The following RPS6KC1 variants were observed in gnomAD, a reference collection of about 807,000 sequenced individuals.
RPS6KC1 encodes ribosomal protein S6 kinase C1.
In RPS6KC1, 54 loss-of-function variants were observed where a neutral mutation model predicts 103.8. That is an observed-to-expected ratio of 0.52 (90% confidence interval 0.42 to 0.65). RPS6KC1 has a LOEUF of 0.65. RPS6KC1 is among the 30% of genes least tolerant of loss of function. The pLI is 0.00. For missense variants in RPS6KC1, 1,151 were observed against 1,253.8 expected, an observed-to-expected ratio of 0.92 and a Z score of 1.24; for synonymous variants, 439 against 438.7, an observed-to-expected ratio of 1.00 and a Z score of -0.01.
At chr1:213,137,798 T>TAAA (rs2086533614) in intron 6 of RPS6KC1, among the ~76,000 whole-genome samples, 2 of 80,036 alleles carry the variant, frequency 2.5e-5, no homozygotes, top group African/African-American at 1.1e-4. Flanking sequence ...TATATATATA[T>TAAA]ATTTTTTTTT....
chr1:213,383,101 C>T, the RPS6KC1 span, among the ~76,000 whole-genome samples: 404 of 152,292 alleles, frequency 2.7e-3, 1 homozygote, highest in Middle Eastern at 6.8e-3. Context: ...CAAGCTGGGT[C>T]GTGTGTCCTG....
intron 8 of RPS6KC1, among the ~76,000 whole-genome samples, chr1:213,212,931 T>C (rs535800579): frequency 3.3e-5 from 5 of 152,326 alleles, no homozygotes; most frequent in Admixed American, 6.5e-5. Flanking sequence ...GTTTTTAAAA[T>C]TATTAAGAGT....
At chr1:213,613,973 T>C in the RPS6KC1 span, among the ~76,000 whole-genome samples, 2 of 152,358 alleles carry the variant, frequency 1.3e-5, no homozygotes, top group South Asian at 2.1e-4. Context: ...GGGCTTTTAC[T>C]GCGGCTGGGT....
the RPS6KC1 span, among the ~76,000 whole-genome samples, chr1:213,770,083 T>C: frequency 6.6e-6 from 1 of 152,216 alleles, no homozygotes; most frequent in Non-Finnish European, 1.5e-5. Context: ...ATCTCTGTTC[T>C]GGGTAAGATT....
intron 8 of RPS6KC1, among the ~76,000 whole-genome samples, chr1:213,218,905 G>C (rs1278784603): frequency 1.3e-5 from 2 of 152,098 alleles, no homozygotes; most frequent in East Asian, 3.9e-4. Context: ...ACCTAAAACT[G>C]TAAAAGCCCT....
the RPS6KC1 span, among the ~76,000 whole-genome samples, chr1:213,633,821 C>G: frequency 2.1e-4 from 27 of 129,582 alleles, no homozygotes; most frequent in Admixed American, 2.5e-3. Flanking sequence ...TGCAGAGACA[C>G]ACAGAGGCTC....
At chr1:213,776,841 ATAGC>A in the RPS6KC1 span, among the ~76,000 whole-genome samples, 1 of 152,104 alleles carries the variant, frequency 6.6e-6, no homozygotes, top group East Asian at 1.9e-4. Flanking sequence ...ATCTTCAACA[ATAGC>A]TAGATCTGGA....
intron 2 of RPS6KC1, among the ~76,000 whole-genome samples, chr1:213,073,559 T>C (rs572983346): frequency 6.6e-6 from 1 of 152,210 alleles, no homozygotes; most frequent in Non-Finnish European, 1.5e-5. Context: ...GATATTTCAC[T>C]GGTGAAATTT....
chr1:213,205,536 T>TTATATTTA (rs2093316911), intron 8 of RPS6KC1: 1 of 82,292 alleles, frequency 1.2e-5, no homozygotes, highest in Non-Finnish European at 2.5e-5. Context: ...ACAAACTCAT[T>TTATATTTA]TATATATATA....
chr1:213,153,420 A>G (rs1007655426), intron 6 of RPS6KC1, among the ~76,000 whole-genome samples: 26 of 152,190 alleles, frequency 1.7e-4, no homozygotes, highest in Admixed American at 1.2e-3. Context: ...TTTTAACTTG[A>G]TAACAACTTA....
the RPS6KC1 span, among the ~76,000 whole-genome samples, chr1:213,435,452 A>G: frequency 6.8e-3 from 1,033 of 152,294 alleles, 36 homozygotes; most frequent in Admixed American, 0.061. Context: ...GGTACTAGAT[A>G]TTTTTATATT....
chr1:213,694,426 T>C, the RPS6KC1 span, among the ~76,000 whole-genome samples: 1 of 152,202 alleles, frequency 6.6e-6, no homozygotes, highest in African/African-American at 2.4e-5. Context: ...GCCAATATTC[T>C]GAATTTCCCC....
At chr1:213,575,363 TAA>T in the RPS6KC1 span, among the ~76,000 whole-genome samples, 1 of 152,188 alleles carries the variant, frequency 6.6e-6, no homozygotes, top group Non-Finnish European at 1.5e-5. Flanking sequence ...ATGAGACCTG[TAA>T]GAGGATCTTT....
chr1:213,410,168 A>G, the RPS6KC1 span, among the ~76,000 whole-genome samples: 1 of 152,174 alleles, frequency 6.6e-6, no homozygotes, highest in East Asian at 1.9e-4. Context: ...AAAACAAAAC[A>G]ATGGAGAGAC....
At chr1:213,691,541 T>A in the RPS6KC1 span, among the ~76,000 whole-genome samples, 1 of 152,192 alleles carries the variant, frequency 6.6e-6, no homozygotes, top group Non-Finnish European at 1.5e-5. Context: ...GGTAGCCAGT[T>A]TTTCAAGGAT....
At chr1:213,517,489 CAGT>C in the RPS6KC1 span, among the ~76,000 whole-genome samples, 60 of 152,260 alleles carry the variant, frequency 3.9e-4, no homozygotes, top group African/African-American at 1.4e-3. Context: ...GTTATGTACC[CAGT>C]AGTCATTCAG....
At chr1:213,363,686 CTTTCTTTCTTTCTTTCCTTCTTTCT>C in the RPS6KC1 span, among the ~76,000 whole-genome samples, 6 of 102,874 alleles carry the variant, frequency 5.8e-5, 2 homozygotes, top group African/African-American at 2.1e-4. Context: ...TTCTTTCTTT[CTTTCTTTCTTTCTTTCCTTCTTTCT>C]TTCTTTCTTT....
At chr1:213,748,969 A>G in the RPS6KC1 span, among the ~76,000 whole-genome samples, 1 of 152,246 alleles carries the variant, frequency 6.6e-6, no homozygotes, top group Non-Finnish European at 1.5e-5. Context: ...AGTGTTGGCT[A>G]TGAAAATGTT....
the RPS6KC1 span, among the ~76,000 whole-genome samples, chr1:213,735,867 C>T: frequency 1.3e-5 from 2 of 152,186 alleles, no homozygotes; most frequent in Non-Finnish European, 2.9e-5. Context: ...GTTTTTAAAA[C>T]CTGATTCTCT....
Sources: allele counts gnomAD v4.1 joint callset (sites outside exome capture counted in the v4.1 genomes callset), GRCh38; gene constraint gnomAD v4.1.1; transcripts MANE v1.5; gene names NCBI Gene and HGNC (gene_info 2026-07-23, HGNC 2026-07-21).